The following GRID1 variants were observed in gnomAD, a reference collection of about 807,000 sequenced individuals.
The protein encoded by GRID1 is glutamate ionotropic receptor delta type subunit 1.
GRID1 carries 28 observed loss-of-function variants against 98.0 expected under a neutral mutation model. The observed-to-expected ratio is 0.29, with a 90% CI of 0.21 to 0.39. The LOEUF (loss-of-function observed/expected upper bound fraction) is 0.39, where lower values mean the gene tolerates loss of function less well. GRID1 is among the 10% of genes least tolerant of loss of function. GRID1 has a pLI of 1.00. For missense variants in GRID1, 1,111 were observed against 1,340.5 expected, an observed-to-expected ratio of 0.83 and a Z score of 2.67; for synonymous variants, 553 against 538.5, an observed-to-expected ratio of 1.03 and a Z score of -0.37.
intron 2 of GRID1, among the ~76,000 whole-genome samples, chr10:86,347,867 C>T (rs1047739260): frequency 1.1e-4 from 17 of 152,120 alleles, no homozygotes; most frequent in African/African-American, 4.1e-4. Flanking sequence ...TCAGATGGTC[C>T]GCTTTAGCAT....
chr10:85,773,968 A>G (rs143389250), intron 8 of GRID1, among the ~76,000 whole-genome samples: 2,534 of 152,334 alleles, frequency 0.017, 80 homozygotes, highest in African/African-American at 0.058. Context: ...GATTTGGAAA[A>G]GACTACTTCA....
At chr10:86,252,045 A>C (rs376033590) in intron 2 of GRID1, among the ~76,000 whole-genome samples, 4 of 152,310 alleles carry the variant, frequency 2.6e-5, no homozygotes, top group East Asian at 3.9e-4. Context: ...TCCATACATG[A>C]GGAAACTGAG....
chr10:86,178,534 G>A (rs1338137355), intron 3 of GRID1, among the ~76,000 whole-genome samples: 1 of 152,188 alleles, frequency 6.6e-6, no homozygotes, highest in Non-Finnish European at 1.5e-5. Context: ...TTAGGCCCAG[G>A]AAGGGCCTCT....
chr10:86,065,668 A>G (rs1843710213), intron 4 of GRID1, among the ~76,000 whole-genome samples: 1 of 152,228 alleles, frequency 6.6e-6, no homozygotes, highest in African/African-American at 2.4e-5. Context: ...GAATTAAACT[A>G]ATTCACTTGG....
At chr10:86,066,732 AGCCATT>A (rs1843724943) in intron 4 of GRID1, among the ~76,000 whole-genome samples, 1 of 152,228 alleles carries the variant, frequency 6.6e-6, no homozygotes, top group Non-Finnish European at 1.5e-5. Context: ...TGCAAATTCA[AGCCATT>A]GCCTAAGTTA....
chr10:85,968,475 A>G (rs1011226032), intron 4 of GRID1, among the ~76,000 whole-genome samples: 1 of 150,848 alleles, frequency 6.6e-6, no homozygotes, highest in Non-Finnish European at 1.5e-5. Flanking sequence ...AAAAAAGACA[A>G]CTGCCTGTAA....
chr10:85,763,507 A>G (rs113446167), intron 8 of GRID1, among the ~76,000 whole-genome samples: 5 of 152,336 alleles, frequency 3.3e-5, no homozygotes, highest in African/African-American at 1.2e-4. Flanking sequence ...TCCAAATCCT[A>G]TGTTGATTTC....
chr10:85,637,618 T>A (rs1027108220), intron 13 of GRID1, among the ~76,000 whole-genome samples: 2 of 152,318 alleles, frequency 1.3e-5, no homozygotes, highest in Admixed American at 6.5e-5. Context: ...AAATGTGGGT[T>A]TTGTTCACAT....
chr10:85,617,432 C>T (rs529585763), intron 14 of GRID1, among the ~76,000 whole-genome samples: 66 of 152,150 alleles, frequency 4.3e-4, no homozygotes, highest in African/African-American at 1.5e-3. Context: ...CAGGGTTTTG[C>T]TATGTTGGTC....
chr10:86,366,741 C>A lies in GRID1; in HGVS notation c.-349G>T, dbSNP rs1848687889. Reference sequence around the variant, plus strand: ...TGAGGCGGTGGCGGCGGCGGCCGGGCCGGCGTGGCGGCTCTGGGCTGGCTG... The same window carrying A: ...TGAGGCGGTGGCGGCGGCGGCCGGGACGGCGTGGCGGCTCTGGGCTGGCTG... On this transcript the variant is annotated 5_prime_UTR_variant, in exon 1 of 16. Coordinates refer to ENST00000327946, the MANE Select transcript of GRID1 (RefSeq NM_017551.3). This position sits in a 1 kb window ranked among gnomAD's most constrained non-coding sequence, Gnocchi z 4.1. 6.7e-6 allele frequency among the ~76,000 whole-genome samples: 1 copy of A among 150,356 alleles called. No homozygotes were observed. Among genetic ancestry groups the A allele is most frequent in the Admixed American group, 6.6e-5 (1 of 15,154 alleles).
At chr10:86,104,348 A>G (rs1276598242) in intron 4 of GRID1, among the ~76,000 whole-genome samples, 1 of 152,144 alleles carries the variant, frequency 6.6e-6, no homozygotes, top group Non-Finnish European at 1.5e-5. Context: ...GGGTGGCCAG[A>G]CACCCACGAG....
rs184417457 is a variant in GRID1, at chr10:86,080,102, G to A, written c.726+58717C>T. Reference sequence around the variant, plus strand: ...TAATCCCAGCACTTTGGGAGGCTGAGGCAGGTGGACCACCTGAGGTCAGGA... The same window carrying A: ...TAATCCCAGCACTTTGGGAGGCTGAAGCAGGTGGACCACCTGAGGTCAGGA... On this transcript the variant is annotated intron_variant, in intron 4 of 15. Transcript: ENST00000327946. Among the ~76,000 whole-genome samples the A allele has an allele frequency of 4.8e-3, 732 of 152,246 alleles. 11 individuals are homozygous for A. The highest frequency in any genetic ancestry group is 0.016 in the African/African-American group (670 of 41,538).
chr10:85,881,847 ATG>A (rs1379803099), intron 5 of GRID1, among the ~76,000 whole-genome samples: 2 of 152,068 alleles, frequency 1.3e-5, no homozygotes, highest in South Asian at 4.2e-4. Flanking sequence ...AACCTACAGA[ATG>A]GGAGAAAATT....
chr10:86,187,634 C>T (rs1845744918), intron 3 of GRID1, among the ~76,000 whole-genome samples: 1 of 152,202 alleles, frequency 6.6e-6, no homozygotes, highest in African/African-American at 2.4e-5. Flanking sequence ...TCTGTGCAAG[C>T]TGAGAAGCAC....
At chr10:86,304,251 T>G (rs1209852848) in intron 2 of GRID1, among the ~76,000 whole-genome samples, 1 of 152,222 alleles carries the variant, frequency 6.6e-6, no homozygotes, top group Non-Finnish European at 1.5e-5. Context: ...AGAAGCTGTG[T>G]GTTTAAGATG....
intron 4 of GRID1, among the ~76,000 whole-genome samples, chr10:86,095,993 A>G (rs971944132): frequency 6.6e-6 from 1 of 152,238 alleles, no homozygotes; most frequent in Non-Finnish European, 1.5e-5. Flanking sequence ...GTGGATAAAG[A>G]AACTGTAGTA....
chr10:86,228,578 C>T (rs934379026), intron 2 of GRID1, among the ~76,000 whole-genome samples: 1 of 152,102 alleles, frequency 6.6e-6, no homozygotes, highest in Non-Finnish European at 1.5e-5. Context: ...CCAGAGCTGC[C>T]AGGTGTTGGC....
intron 4 of GRID1, among the ~76,000 whole-genome samples, chr10:86,034,326 G>A (rs1843226010): frequency 6.6e-6 from 1 of 152,082 alleles, no homozygotes. Flanking sequence ...ATTTTCAAAA[G>A]TAACCAAAGA....
chr10:86,346,088 T>C (rs913213764), intron 2 of GRID1, among the ~76,000 whole-genome samples: 1 of 152,234 alleles, frequency 6.6e-6, no homozygotes, highest in African/African-American at 2.4e-5. Flanking sequence ...TGTAGCATGC[T>C]TCACATTCTT....
Sources: allele counts gnomAD v4.1 joint callset (sites outside exome capture counted in the v4.1 genomes callset), GRCh38; gene constraint gnomAD v4.1.1; non-coding constraint Gnocchi (gnomAD v3.1); transcripts MANE v1.5; gene names NCBI Gene and HGNC (gene_info 2026-07-23, HGNC 2026-07-21).